FHIT: variants seen among roughly 807,000 people sequenced by gnomAD.
The protein encoded by FHIT is fragile histidine triad diadenosine triphosphatase, also known as bis(5'-adenosyl)-triphosphatase.
A neutral mutation model predicts 17.9 loss-of-function variants in FHIT; 19 were observed. The ratio of observed to expected loss-of-function variants is 1.06; its 90% CI spans 0.74 to 1.56. The LOEUF (loss-of-function observed/expected upper bound fraction) is 1.56. Ranked by LOEUF, FHIT falls within the 40% of genes most tolerant of loss-of-function variation. The probability of loss-of-function intolerance (pLI) is 0.00; values close to 1 mark genes in which losing one functional copy is unlikely to be tolerated. For synonymous variants in FHIT, 81 were observed against 69.7 expected, an observed-to-expected ratio of 1.16 and a Z score of -0.81; for missense variants, 248 against 189.2, an observed-to-expected ratio of 1.31 and a Z score of -1.82.
At chr3:60,568,086 G>A (rs1263506236) in intron 4 of FHIT, among the ~76,000 whole-genome samples, 2 of 152,110 alleles carry the variant, frequency 1.3e-5, no homozygotes, top group African/African-American at 4.8e-5. Flanking sequence ...ATGCCATTTG[G>A]CCCAGCAATC....
chr3:61,138,691 T>A (rs2036988042), intron 2 of FHIT, among the ~76,000 whole-genome samples: 1 of 152,192 alleles, frequency 6.6e-6, no homozygotes, highest in African/African-American at 2.4e-5. Context: ...CTAACTCGGC[T>A]AATGTGGCTT....
chr3:60,363,095 A>C (rs1365104788), intron 5 of FHIT, among the ~76,000 whole-genome samples: 1 of 152,200 alleles, frequency 6.6e-6, no homozygotes, highest in Non-Finnish European at 1.5e-5. Context: ...AGAAAAAGGC[A>C]GTATGCAACA....
intron 4 of FHIT, among the ~76,000 whole-genome samples, chr3:60,585,192 G>A (rs1279944833): frequency 1.3e-5 from 2 of 151,868 alleles, no homozygotes; most frequent in African/African-American, 4.8e-5. Context: ...CTGAAGCTGA[G>A]TGGCCTATAA....
chr3:59,937,307 C>A (rs1323249767), intron 7 of FHIT, among the ~76,000 whole-genome samples: 1 of 151,980 alleles, frequency 6.6e-6, no homozygotes. Flanking sequence ...AAAAAAGATG[C>A]CAGGAGAAAT....
intron 3 of FHIT, among the ~76,000 whole-genome samples, chr3:60,834,130 T>C (rs1702435863): frequency 6.6e-6 from 1 of 152,214 alleles, no homozygotes; most frequent in African/African-American, 2.4e-5. Context: ...AGCTTTTGTT[T>C]ACTTGGGATA....
At chr3:61,059,999 T>C (rs943792824) in intron 2 of FHIT, among the ~76,000 whole-genome samples, 2 of 152,076 alleles carry the variant, frequency 1.3e-5, no homozygotes, top group African/African-American at 4.8e-5. Flanking sequence ...AGTGTGTGTG[T>C]GTAGGTGTGT....
intron 3 of FHIT, among the ~76,000 whole-genome samples, chr3:60,924,915 C>G (rs1707499376): frequency 1.3e-5 from 2 of 152,116 alleles, no homozygotes; most frequent in South Asian, 4.1e-4. Context: ...GACGAATACA[C>G]AAGTCTCAGT....
intron 3 of FHIT, among the ~76,000 whole-genome samples, chr3:60,860,813 CAGGTATAT>C (rs1703746747): frequency 6.5e-5 from 1 of 15,318 alleles, no homozygotes; most frequent in Admixed American, 7.8e-4. Flanking sequence ...ACATATATAT[CAGGTATAT>C]ATGATACATA....
intron 5 of FHIT, among the ~76,000 whole-genome samples, chr3:60,381,331 A>C (rs974731600): frequency 5.9e-5 from 9 of 152,012 alleles, no homozygotes; most frequent in Non-Finnish European, 8.8e-5. Flanking sequence ...TACAAAAGTT[A>C]GCTGGGCATG....
intron 5 of FHIT, among the ~76,000 whole-genome samples, chr3:60,274,495 C>T (rs1707027674): frequency 6.6e-6 from 1 of 152,158 alleles, no homozygotes. Flanking sequence ...GATGTATAAA[C>T]TCAAACATTA....
At chr3:60,882,903 A>G (rs782484986) in intron 3 of FHIT, among the ~76,000 whole-genome samples, 1 of 152,096 alleles carries the variant, frequency 6.6e-6, no homozygotes, top group Non-Finnish European at 1.5e-5. Context: ...GGCATTCAAA[A>G]TGGAAAGGAA....
chr3:61,241,081 A>G (rs2106920453), intron 1 of FHIT, among the ~76,000 whole-genome samples: 1 of 152,318 alleles, frequency 6.6e-6, no homozygotes, highest in South Asian at 2.1e-4. Flanking sequence ...AAGTGGCTGT[A>G]AAACAAAATA....
chr3:61,250,822 T>A lies in FHIT; in HGVS notation c.-213+479A>T, dbSNP rs1016855131. Among the ~76,000 whole-genome samples, 22 of 152,220 alleles carry A rather than the reference T, an allele frequency of 1.4e-4. 1 individual carries two copies. The highest frequency in any genetic ancestry group is 5.3e-4 in the African/African-American group (22 of 41,466). On this transcript the variant is annotated intron_variant, in intron 1 of 9. Transcript: ENST00000492590. ...TTTTTGAAGTAGTAATGTAAAATTA[T>A]CTCCCAAAATGCTGCCTTCTCTATA...
chr3:60,536,674 G>T, intron 5 of FHIT, 186 bp downstream of exon 5: 1 of 523,224 alleles, frequency 1.9e-6, no homozygotes, highest in Non-Finnish European at 3.1e-6. Context: ...TATTACTGGT[G>T]CCACCAACTG....
intron 2 of FHIT, among the ~76,000 whole-genome samples, chr3:61,175,957 C>A (rs1428363524): frequency 1.3e-5 from 2 of 152,194 alleles, no homozygotes; most frequent in African/African-American, 4.8e-5. Flanking sequence ...TTTTGACATG[C>A]CTTGGAAGTA....
intron 4 of FHIT, among the ~76,000 whole-genome samples, chr3:60,561,890 GAAAAGAAAAA>G (rs2107645191): frequency 7.4e-6 from 1 of 134,626 alleles, no homozygotes; most frequent in South Asian, 2.4e-4. Flanking sequence ...GAAAATGAAA[GAAAAGAAAAA>G]AAAAGAAAAG....
intron 4 of FHIT, among the ~76,000 whole-genome samples, chr3:60,818,239 C>CAGATA (rs2106751421): frequency 6.6e-6 from 1 of 152,238 alleles, no homozygotes; most frequent in South Asian, 2.1e-4. Context: ...GAATTGGTCT[C>CAGATA]AGATAATTGC....
intron 3 of FHIT, among the ~76,000 whole-genome samples, chr3:60,828,070 T>A (rs1702190214): frequency 6.6e-6 from 1 of 152,206 alleles, no homozygotes; most frequent in African/African-American, 2.4e-5. Context: ...TGTACCCAAG[T>A]AATCATCAGT....
At chr3:60,817,135 C>T (rs1158580416) in intron 4 of FHIT, among the ~76,000 whole-genome samples, 4 of 151,980 alleles carry the variant, frequency 2.6e-5, no homozygotes, top group Admixed American at 2.0e-4. Context: ...AACCTTGCAA[C>T]TGTATAAATC....
Sources: allele counts gnomAD v4.1 joint callset (sites outside exome capture counted in the v4.1 genomes callset), GRCh38; gene constraint gnomAD v4.1.1; transcripts MANE v1.5; gene names NCBI Gene and HGNC (gene_info 2026-07-23, HGNC 2026-07-21).